The following NTM variants were observed in gnomAD, a reference collection of about 807,000 sequenced individuals.
NTM encodes neurotrimin, also known as IgLON family member 2.
Under a neutral mutation model 42.1 loss-of-function variants are expected in NTM, and 13 were observed. The ratio of observed to expected loss-of-function variants is 0.31; its 90% CI spans 0.20 to 0.49. The LOEUF is 0.49. Among genes scored for constraint, NTM ranks in the 20% least tolerant of loss-of-function variants. The pLI is 0.99. For missense variants in NTM, 373 were observed against 452.8 expected, an observed-to-expected ratio of 0.82 and a Z score of 1.60; for synonymous variants, 187 against 179.2, an observed-to-expected ratio of 1.04 and a Z score of -0.35.
chr11:131,453,818 A>G (rs1429163320), intron 1 of NTM, among the ~76,000 whole-genome samples: 1 of 152,014 alleles, frequency 6.6e-6, no homozygotes, highest in Admixed American at 6.6e-5. Context: ...GATAACTCCA[A>G]CATCCACATG....
At chr11:131,508,662 G>T (rs1351161066) in intron 1 of NTM, among the ~76,000 whole-genome samples, 7 of 150,298 alleles carry the variant, frequency 4.7e-5, no homozygotes, top group East Asian at 1.9e-4. Flanking sequence ...TAGACTGGAT[G>T]AAGAAAATGT....
intron 2 of NTM, among the ~76,000 whole-genome samples, chr11:132,022,582 A>G (rs1258273076): frequency 6.6e-6 from 1 of 151,944 alleles, no homozygotes; most frequent in East Asian, 1.9e-4. Context: ...CCTAGATCCT[A>G]CCTCTGACTG....
chr11:131,782,378 AC>A (rs777440741), intron 1 of NTM, among the ~76,000 whole-genome samples: 1 of 151,892 alleles, frequency 6.6e-6, no homozygotes. Context: ...ACAAAAAAAA[AC>A]AACTCTAGGT....
At chr11:132,092,602 C>A (rs2060501995) in intron 2 of NTM, among the ~76,000 whole-genome samples, 1 of 152,196 alleles carries the variant, frequency 6.6e-6, no homozygotes, top group Admixed American at 6.5e-5. Flanking sequence ...GTCCATCATG[C>A]TCCAAGGTTC....
chr11:132,044,690 G>A (rs2077733954), intron 2 of NTM, among the ~76,000 whole-genome samples: 1 of 152,070 alleles, frequency 6.6e-6, no homozygotes, highest in Non-Finnish European at 1.5e-5. Context: ...TTATCCCTGA[G>A]CTCCCAGTGC....
intron 2 of NTM, among the ~76,000 whole-genome samples, chr11:131,938,563 GA>G (rs2059470885): frequency 6.6e-6 from 1 of 152,222 alleles, no homozygotes; most frequent in Admixed American, 6.5e-5. Flanking sequence ...ATGGAAAGGA[GA>G]AGAGGTTTTA....
chr11:131,649,301 G>A (rs1252958209), intron 1 of NTM, among the ~76,000 whole-genome samples: 3 of 152,246 alleles, frequency 2.0e-5, no homozygotes, highest in African/African-American at 7.2e-5. Flanking sequence ...TCATATCCAA[G>A]TAAAGGGTAG....
intron 1 of NTM, among the ~76,000 whole-genome samples, chr11:131,562,061 T>C (rs2056303672): frequency 2.0e-5 from 3 of 152,234 alleles, no homozygotes; most frequent in Admixed American, 2.0e-4. Context: ...TTGGTCTGGT[T>C]CTACTGCAAT....
At chr11:132,088,269 C>T (rs1048834952) in intron 2 of NTM, among the ~76,000 whole-genome samples, 4 of 152,100 alleles carry the variant, frequency 2.6e-5, no homozygotes, top group East Asian at 1.9e-4. Flanking sequence ...GGGCAGCTTC[C>T]CCTGCTCTCA....
intron 1 of NTM, among the ~76,000 whole-genome samples, chr11:131,857,798 T>C (rs2046247988): frequency 6.6e-6 from 1 of 152,212 alleles, no homozygotes; most frequent in African/African-American, 2.4e-5. Flanking sequence ...CCTTATCTCC[T>C]GGCTCACCCA....
intron 1 of NTM, among the ~76,000 whole-genome samples, chr11:131,505,269 T>C (rs2047345638): frequency 6.6e-6 from 1 of 152,178 alleles, no homozygotes; most frequent in Non-Finnish European, 1.5e-5. Context: ...ATCAAACAAG[T>C]AATGCTAACA....
chr11:132,151,974 A>G (rs989035935), intron 3 of NTM, among the ~76,000 whole-genome samples: 2 of 152,184 alleles, frequency 1.3e-5, no homozygotes, highest in Non-Finnish European at 2.9e-5. Flanking sequence ...CACTTGATAT[A>G]TACAACCGTG....
intron 1 of NTM, among the ~76,000 whole-genome samples, chr11:131,517,414 C>T (rs1362028681): frequency 6.6e-6 from 1 of 152,124 alleles, no homozygotes; most frequent in Non-Finnish European, 1.5e-5. Context: ...GCACTGAGTG[C>T]ATCCCGATGT....
intron 1 of NTM, among the ~76,000 whole-genome samples, chr11:131,524,273 T>A (rs943029189): frequency 1.3e-5 from 2 of 152,204 alleles, no homozygotes; most frequent in Non-Finnish European, 2.9e-5. Context: ...TTCTACACGA[T>A]CTTTCCAGTA....
chr11:131,407,181 C>G (rs1461870731), intron 1 of NTM, among the ~76,000 whole-genome samples: 1 of 152,162 alleles, frequency 6.6e-6, no homozygotes, highest in East Asian at 1.9e-4. Context: ...AATATAGTTA[C>G]AAGACTGGAT....
At chr11:131,635,590 TA>T (rs1037946526) in intron 1 of NTM, among the ~76,000 whole-genome samples, 2 of 152,292 alleles carry the variant, frequency 1.3e-5, no homozygotes, top group South Asian at 4.1e-4. Flanking sequence ...GCTTGTCAAG[TA>T]AAAAAGTTGT....
intron 1 of NTM, among the ~76,000 whole-genome samples, chr11:131,391,865 G>A (rs532135382): frequency 1.8e-4 from 28 of 152,156 alleles, no homozygotes; most frequent in African/African-American, 5.3e-4. Flanking sequence ...AGGGAGTAGC[G>A]GGGAGTGGAG....
intron 1 of NTM, among the ~76,000 whole-genome samples, chr11:131,820,011 A>C (rs564915275): frequency 6.6e-6 from 1 of 152,334 alleles, no homozygotes; most frequent in Non-Finnish European, 1.5e-5. Flanking sequence ...TGAGTGACAA[A>C]GCCTTTACAT....
chr11:132,307,878 A>T, intron 5 of NTM, 55 bp downstream of exon 5: 1 of 1,567,124 alleles, frequency 6.4e-7, no homozygotes, highest in Non-Finnish European at 8.7e-7. Context: ...GCCTGTTGTC[A>T]CAGCCACCAC....
Sources: allele counts gnomAD v4.1 joint callset (sites outside exome capture counted in the v4.1 genomes callset), GRCh38; gene constraint gnomAD v4.1.1; transcripts MANE v1.5; gene names NCBI Gene and HGNC (gene_info 2026-07-23, HGNC 2026-07-21).